The following FMO4 variants were observed in gnomAD, a reference collection of about 807,000 sequenced individuals.
FMO4 encodes flavin containing dimethylaniline monoxygenase 4.
Under a neutral mutation model 43.3 loss-of-function variants are expected in FMO4, and 38 were observed. The observed-to-expected ratio is 0.88, with a 90% CI of 0.68 to 1.15. FMO4 has a LOEUF of 1.15. Ranked by LOEUF, FMO4 falls within the 50% of genes most tolerant of loss-of-function variation. The pLI, the probability that FMO4 is intolerant of heterozygous loss-of-function variation, is 0.00. For missense variants in FMO4, 631 were observed against 663.3 expected, an observed-to-expected ratio of 0.95 and a Z score of 0.54; for synonymous variants, 224 against 232.2, an observed-to-expected ratio of 0.96 and a Z score of 0.32.
At position 171,319,931 on chromosome 1, in the gene FMO4, G is replaced by T. The variant is rs1374387779; in HGVS notation, c.106G>T (p.Asp36Tyr). The change falls in exon 3 of 10, where the codon GAC (aspartate) becomes TAC (tyrosine). Residue 36 changes from aspartate (D) to tyrosine (Y), a missense_variant. Physicochemically the swap from Asp to Tyr is radical, Grantham distance 160. Coordinates refer to ENST00000367749, the MANE Select transcript of FMO4 (RefSeq NM_002022.3). ...LEPTCFERSD[D>Y]IGGLWKFTES... ...GCCCACCTGCTTTGAGAGAAGTGATGACATTGGGGGATTATGGAAGTTTAC... is the reference window on the plus strand; with the variant it reads ...GCCCACCTGCTTTGAGAGAAGTGATTACATTGGGGGATTATGGAAGTTTAC... The T allele has an allele frequency of 6.2e-7, 1 of 1,613,890 alleles. No individual in the cohort carries two copies. Among genetic ancestry groups the T allele is most frequent in the African/African-American group, 1.3e-5 (1 of 75,024 alleles).
chr1:171,331,135 C>T (rs1446006304), intron 5 of FMO4, among the ~76,000 whole-genome samples: 1 of 152,112 alleles, frequency 6.6e-6, no homozygotes, highest in Admixed American at 6.5e-5. Context: ...TAGAATATAT[C>T]TATTGGGCAA....
chr1:171,317,199 T>C (rs1662231426), intron 2 of FMO4, among the ~76,000 whole-genome samples: 1 of 152,186 alleles, frequency 6.6e-6, no homozygotes, highest in African/African-American at 2.4e-5. Context: ...TCCCATTTAC[T>C]GGTCCTAATA....
rs1663163712 is a variant in FMO4 at position 171,337,362 on chromosome 1, G to A, written c.1187G>A (p.Cys396Tyr). 3 of 1,610,010 alleles carry A rather than the reference G, an allele frequency of 1.9e-6. No homozygotes were observed. The highest frequency in any genetic ancestry group is 2.2e-5 in the East Asian group (1 of 44,826). ...RWVTRVFKGL[C>Y]KIPPSQKLMM... ...TTTGTGATTTTTCCCACAGGACTCTGTAAGATACCTCCATCCCAAAAATTG... is the reference window on the plus strand; with the variant it reads ...TTTGTGATTTTTCCCACAGGACTCTATAAGATACCTCCATCCCAAAAATTG... The change falls in exon 9 of 10, where the codon TGT becomes TAT. Residue 396 changes from cysteine (C) to tyrosine (Y), a missense_variant. Cys to Tyr is a radical substitution (Grantham distance 194). Coordinates refer to ENST00000367749, the MANE Select transcript of FMO4 (RefSeq NM_002022.3).
intron 5 of FMO4, among the ~76,000 whole-genome samples, chr1:171,325,595 T>TTATA (rs1040255759): frequency 6.6e-6 from 1 of 152,022 alleles, no homozygotes; most frequent in African/African-American, 2.4e-5. Context: ...GGAAACAATA[T>TTATA]TATAAATGGT....
intron 5 of FMO4, among the ~76,000 whole-genome samples, chr1:171,325,065 C>A (rs560804546): frequency 3.0e-4 from 46 of 152,194 alleles, no homozygotes; most frequent in Middle Eastern, 3.4e-3. Context: ...GCAAAGATCA[C>A]GTCACTGAAC....
intron 5 of FMO4, among the ~76,000 whole-genome samples, chr1:171,330,465 A>C (rs547781559): frequency 1.3e-5 from 2 of 152,236 alleles, no homozygotes; most frequent in Non-Finnish European, 2.9e-5. Flanking sequence ...TAATTCATAA[A>C]GGAAAGAAGT....
At chr1:171,328,933 A>AT (rs764556889) in intron 5 of FMO4, among the ~76,000 whole-genome samples, 6 of 152,002 alleles carry the variant, frequency 3.9e-5, no homozygotes, top group Non-Finnish European at 8.8e-5. Flanking sequence ...ACAAAAAAAA[A>AT]TCTCATTTTC....
At chr1:171,323,627 G>A (rs1662531885) in intron 4 of FMO4, among the ~76,000 whole-genome samples, 1 of 152,234 alleles carries the variant, frequency 6.6e-6, no homozygotes, top group East Asian at 1.9e-4. Flanking sequence ...TCATGCCACT[G>A]CACTCTAGCC....
chr1:171,332,677 A>G (rs746404291), intron 6 of FMO4, 32 bp from the exon 7 acceptor site: 4 of 1,566,818 alleles, frequency 2.6e-6, no homozygotes, highest in Non-Finnish European at 2.6e-6. Flanking sequence ...ATGAACATTT[A>G]TTTATCCTTC....
chr1:171,334,632 T>TAAAAGCC lies in FMO4; in HGVS notation c.1049_1050insAAAAGCC (p.Phe350LeufsTer27), dbSNP rs1179584204. ...AAAAGCCTCTGTACAAAGAAGATAT[T>TAAAAGCC]TCTATACAAGCAAGTCTTTCCCTTA... On this transcript the variant is annotated frameshift_variant, in exon 8 of 10. Transcript: ENST00000367749. LOFTEE classifies it high-confidence loss of function. The TAAAAGCC allele has an allele frequency of 6.2e-7, 1 of 1,613,498 alleles. No individual in the cohort carries two copies. The highest frequency in any genetic ancestry group is 2.2e-5 in the East Asian group (1 of 44,858).
intron 7 of FMO4, among the ~76,000 whole-genome samples, chr1:171,333,348 C>G (rs933476587): frequency 6.6e-6 from 1 of 152,090 alleles, no homozygotes; most frequent in African/African-American, 2.4e-5. Context: ...CTTACCCTCC[C>G]AAGTAGCTAG....
intron 9 of FMO4, among the ~76,000 whole-genome samples, chr1:171,340,921 CTTTTA>C (rs1663348142): frequency 6.6e-6 from 1 of 151,864 alleles, no homozygotes; most frequent in Non-Finnish European, 1.5e-5. Flanking sequence ...GATTTTAGGG[CTTTTA>C]TTTTTTCTTT....
intron 5 of FMO4, among the ~76,000 whole-genome samples, chr1:171,327,426 T>C (rs1662714149): frequency 6.6e-6 from 1 of 152,210 alleles, no homozygotes; most frequent in South Asian, 2.1e-4. Flanking sequence ...TCTGGGCAAG[T>C]TGCTTAACCT....
intron 2 of FMO4, among the ~76,000 whole-genome samples, chr1:171,318,339 A>G (rs943246731): frequency 6.6e-6 from 1 of 151,412 alleles, no homozygotes; most frequent in Non-Finnish European, 1.5e-5. Flanking sequence ...AATAATAATA[A>G]TAATAGTTGG....
At position 171,341,487 on chromosome 1, in the gene FMO4, G is replaced by C. The variant is rs760797954; in HGVS notation, c.1325G>C (p.Gly442Ala). ...ATGGATGATATCGCTGCCTGCATAG[G>C]CACAAAGCCCAGCATCCCACTTCTG... Reference protein sequence around the residue: ...AYMDDIAACIGTKPSIPLLFL... With the variant: ...AYMDDIAACIATKPSIPLLFL... The change falls in exon 10 of 10, where the codon GGC becomes GCC. Residue 442 changes from glycine (G) to alanine (A), a missense_variant. By Grantham distance (60) the Gly-to-Ala change is moderately conservative. Transcript: ENST00000367749. 2 of 1,613,860 alleles carry C rather than the reference G, an allele frequency of 1.2e-6. No homozygotes were observed. The highest frequency in any genetic ancestry group is 3.3e-5 in the Admixed American group (2 of 59,956).
intron 8 of FMO4, among the ~76,000 whole-genome samples, chr1:171,336,532 G>A (rs530851538): frequency 1.4e-4 from 21 of 152,216 alleles, no homozygotes; most frequent in African/African-American, 5.1e-4. Flanking sequence ...GACTGACTGC[G>A]AAACTGCCAG....
intron 3 of FMO4, among the ~76,000 whole-genome samples, chr1:171,322,091 CAG>C (rs1283135135): frequency 6.6e-6 from 1 of 152,118 alleles, no homozygotes; most frequent in Non-Finnish European, 1.5e-5. Flanking sequence ...CATGAAAAAA[CAG>C]AGGCTGCAGT....
chr1:171,323,247 A>G lies in FMO4; in HGVS notation c.321+55A>G, dbSNP rs966400528. The stretch of plus-strand genomic sequence containing the variant: ...TAGATGGGGGCTGGCCTATTCAGCA[A>G]TCTAATGAAAATTGGATGTTTAAAG... On this transcript the variant is annotated intron_variant, in intron 4 of 9. Transcript: ENST00000367749. 6.0e-6 allele frequency: 7 copies of G among 1,174,076 alleles called. No individual in the cohort carries two copies. The African/African-American group carries it at 9.3e-5, about 16-fold the overall frequency. 72.7% of individuals were successfully genotyped at this position (1,174,076 alleles called of 1,614,324 possible).
chr1:171,315,030 G>A (rs546539602), intron 1 of FMO4, among the ~76,000 whole-genome samples: 8 of 152,240 alleles, frequency 5.3e-5, no homozygotes, highest in South Asian at 2.1e-4. Flanking sequence ...GGTGGCTCAC[G>A]CCTGTAATCC....
Sources: gnomAD v4.1 joint callset for allele counts (sites outside exome capture counted in the v4.1 genomes callset) on GRCh38, gnomAD v4.1.1 for gene constraint, MANE v1.5 for transcripts, NCBI Gene and HGNC (gene_info 2026-07-23, HGNC 2026-07-21) for gene names.